The following ZNF43 variants were observed in gnomAD, a reference collection of about 807,000 sequenced individuals.
The protein encoded by ZNF43 is zinc finger protein 39-like 1 (KOX 27).
Under a neutral mutation model 68.4 loss-of-function variants are expected in ZNF43, and 44 were observed. The ratio of observed to expected loss-of-function variants is 0.64; its 90% confidence interval spans 0.51 to 0.83. The LOEUF is 0.83. ZNF43 is among the 40% of genes least tolerant of loss of function. The probability of loss-of-function intolerance (pLI) is 0.00; values close to 1 mark genes in which losing one functional copy is unlikely to be tolerated. For synonymous variants in ZNF43, 308 were observed against 307.8 expected (o/e 1.00, Z -0.01); for missense variants, 896 against 933.2 (o/e 0.96, Z 0.52).
chr19:21,817,765 G>C (rs946545010), intron 3 of ZNF43, 123 bp downstream of exon 3: 4 of 1,031,508 alleles, frequency 3.9e-6, no homozygotes, highest in African/African-American at 3.3e-5. Flanking sequence ...AAAAAACTCA[G>C]GCTTTCCAGA....
chr19:21,836,701 C>T (rs2038757457), upstream of ZNF43, among the ~76,000 whole-genome samples: 1 of 152,204 alleles, frequency 6.6e-6, no homozygotes, highest in Non-Finnish European at 1.5e-5. Flanking sequence ...TTACCTGTCT[C>T]AGCCTTCTGA....
At position 21,808,620 on chromosome 19, in the gene ZNF43, T is replaced by C. The variant is rs2037093804; in HGVS notation, c.1417A>G (p.Lys473Glu). Residue 473 changes from lysine to glutamate, a missense_variant, in exon 4 of 4, where the codon AAG (lysine) becomes GAG (glutamate). Transcript: ENST00000354959. Reference protein sequence around the residue: ...FNQFSNLTTHKRIHTAEKPYK... With the variant: ...FNQFSNLTTHERIHTAEKPYK... ...GGTTTTTCTGCAGTATGAATTCTCT[T>C]ATGTGTAGTAAGGTTTGAGAACTGG... 2.5e-6 allele frequency: 4 copies of C among 1,613,824 alleles called. No individual in the cohort carries two copies. The highest frequency in any genetic ancestry group is 2.5e-6 in the Non-Finnish European group (3 of 1,179,876).
chr19:21,837,028 G>C (rs1399131205), upstream of ZNF43, among the ~76,000 whole-genome samples: 2 of 152,120 alleles, frequency 1.3e-5, no homozygotes. Context: ...ACTAAATATA[G>C]GTAATGTTAC....
Position 21,807,788 on chromosome 19 carries a change from T to C in ZNF43, c.2249A>G (p.Asn750Ser). Reference sequence around the variant, plus strand: ...TTTAGTATGAATTCTCTTATGTGTATTAAGGTGTGAGGAATAGTTAAATGC... The same window carrying C: ...TTTAGTATGAATTCTCTTATGTGTACTAAGGTGTGAGGAATAGTTAAATGC... ...GKAFNYSSHL[N>S]THKRIHTKEQ... The change falls in exon 4 of 4, where the codon AAT (asparagine) becomes AGT (serine). Residue 750 changes from asparagine to serine, a missense_variant. Physicochemically the swap from Asn to Ser is conservative, Grantham distance 46. Transcript: ENST00000354959. 6.2e-7 allele frequency: 1 copy of C among 1,612,674 alleles called. No homozygotes were observed.
chr19:21,808,128 G>C lies in ZNF43; in HGVS notation c.1909C>G (p.Leu637Val). ...CGKAFNQFST[L>V]TKHKIIHTEE... is the part of the protein sequence containing the mutation. ...GTGTGAATTATCTTATGTTTAGTAA[G>C]AGTTGAGAACTGGTTAAAAGCTTTG... is the stretch of plus-strand genomic sequence containing the variant. The change falls in exon 4 of 4, where the codon CTT (leucine) becomes GTT (valine). Residue 637 changes from leucine to valine, a missense_variant. Physicochemically the swap from Leu to Val is conservative, Grantham distance 32. Transcript: ENST00000354959. The C allele has an allele frequency of 6.2e-7, 1 of 1,613,162 alleles. No individual in the cohort carries two copies. The highest frequency in any genetic ancestry group is 1.3e-5 in the African/African-American group (1 of 74,984).
At position 21,836,046 on chromosome 19, in the gene ZNF43, C is replaced by A. The variant is rs201675321; in HGVS notation, c.-8G>T. On this transcript the variant is annotated 5_prime_UTR_variant, in exon 1 of 4. Coordinates refer to ENST00000354959, the MANE Select transcript of ZNF43 (RefSeq NM_003423.4). Reference sequence around the variant, plus strand: ...GACCGGCACTCTCACCATTTCTAGGCTTCCGGGGGGTCCTGGCGTCTTAGC... The same window carrying A: ...GACCGGCACTCTCACCATTTCTAGGATTCCGGGGGGTCCTGGCGTCTTAGC... The A allele has an allele frequency of 6.3e-5, 102 of 1,613,888 alleles. No individual in the cohort carries two copies. In the Middle Eastern group the frequency reaches 6.6e-4, roughly 10 times the overall value.
Position 21,807,364 on chromosome 19 carries a change from A to G in ZNF43, c.*243T>C. On this transcript the variant is annotated 3_prime_UTR_variant, in exon 4 of 4. Transcript: ENST00000354959. ...GGTTTTATTAAGTACAGACTCTCTGATGTTGAGTAAGATATGAGCACATAT... is the reference window on the plus strand; with the variant it reads ...GGTTTTATTAAGTACAGACTCTCTGGTGTTGAGTAAGATATGAGCACATAT... The G allele has an allele frequency of 2.9e-6, 1 of 348,594 alleles. No homozygotes were observed. Among genetic ancestry groups the G allele is most frequent in the Non-Finnish European group, 5.2e-6 (1 of 194,066 alleles). 21.6% of individuals were successfully genotyped at this position (348,594 alleles called of 1,614,324 possible).
rs920656483 is a variant in ZNF43 at position 21,824,569 on chromosome 19, T to C, written c.4-5348A>G. On this transcript the variant is annotated intron_variant, in intron 1 of 3. Transcript: ENST00000354959. ...TTCTGTACATTCTCAATCCAAAACC[T>C]GGCCCTGTCTTGTGAATCCCAGGCA... 9.9e-5 allele frequency among the ~76,000 whole-genome samples: 15 copies of C among 152,224 alleles called. No individual in the cohort carries two copies. The East Asian group carries it at 2.3e-3, about 24-fold the overall frequency.
At chr19:21,835,091 C>CA (rs1057433671) in intron 1 of ZNF43, among the ~76,000 whole-genome samples, 33 of 147,898 alleles carry the variant, frequency 2.2e-4, no homozygotes, top group African/African-American at 5.9e-4. Context: ...ACTAAAAATA[C>CA]AAAAAAAATT....
intron 1 of ZNF43, among the ~76,000 whole-genome samples, chr19:21,849,520 T>C (rs574102606): frequency 3.9e-4 from 42 of 106,910 alleles, no homozygotes; most frequent in Non-Finnish European, 7.2e-4. Flanking sequence ...AAAAAAGTGG[T>C]AATTCTCAGT....
rs746057520 is a variant in ZNF43 at position 21,807,441 on chromosome 19, C to A, written c.*166G>T. On this transcript the variant is annotated 3_prime_UTR_variant, in exon 4 of 4. Transcript: ENST00000354959. ...ATATACCTTTTTCCAAGTAAAAATT[C>A]TTTCCTGTGCAATAAGGTACGAGCA... The A allele has an allele frequency of 2.7e-5, 17 of 631,538 alleles. No homozygotes were observed. The highest frequency in any genetic ancestry group is 3.7e-5 in the Non-Finnish European group (15 of 401,262). The allele number at this position is 631,538 out of a possible 1,614,324, so 39.1% of individuals were successfully genotyped here.
At position 21,819,084 on chromosome 19, in the gene ZNF43, G is replaced by A. The variant is rs2037669161; in HGVS notation, c.130+11C>T. The A allele has an allele frequency of 5.6e-6, 9 of 1,605,060 alleles. No individual in the cohort carries two copies. Among genetic ancestry groups the A allele is most frequent in the Non-Finnish European group, 6.8e-6 (8 of 1,176,856 alleles). On this transcript the variant is annotated intron_variant, in intron 2 of 3. Coordinates refer to ENST00000354959, the MANE Select transcript of ZNF43 (RefSeq NM_003423.4). ...GGTATATTAGGAATTGAGTATTGAA[G>A]TTATGCTCACCCAGGAAGACCAGGT...
intron 1 of ZNF43, among the ~76,000 whole-genome samples, chr19:21,831,209 C>T (rs138110399): frequency 5.9e-5 from 9 of 152,290 alleles, no homozygotes; most frequent in Middle Eastern, 3.4e-3. Context: ...GATGCCTTCT[C>T]TCATCACTCC....
chr19:21,817,181 C>A (rs2037569580), intron 3 of ZNF43, among the ~76,000 whole-genome samples: 2 of 151,602 alleles, frequency 1.3e-5, no homozygotes, highest in African/African-American at 4.9e-5. Flanking sequence ...CGAGATTGTG[C>A]CACTGTACTC....
chr19:21,820,264 T>TA (rs369462459), intron 1 of ZNF43, among the ~76,000 whole-genome samples: 1 of 147,158 alleles, frequency 6.8e-6, no homozygotes, highest in Non-Finnish European at 1.5e-5. Context: ...TTTATATATA[T>TA]ACACACACAT....
At chr19:21,836,866 A>G (rs550359719), upstream of ZNF43, among the ~76,000 whole-genome samples, 2 of 152,352 alleles carry the variant, frequency 1.3e-5, no homozygotes, top group South Asian at 4.1e-4. Context: ...TACTGGGATT[A>G]TAGGCATGAA....
chr19:21,835,839 G>A (rs1413113469), intron 1 of ZNF43, among the ~76,000 whole-genome samples, 197 bp downstream of exon 1: 3 of 152,200 alleles, frequency 2.0e-5, no homozygotes, highest in Non-Finnish European at 4.4e-5. Flanking sequence ...TGCAGGCCGG[G>A]ACACAGTCAC....
intron 1 of ZNF43, among the ~76,000 whole-genome samples, chr19:21,842,103 A>G (rs955762830): frequency 2.0e-5 from 3 of 152,160 alleles, no homozygotes; most frequent in Admixed American, 2.0e-4. Flanking sequence ...CCAAGGTGCT[A>G]GGCCCAGTGA....
Position 21,809,115 on chromosome 19 carries a change from G to A in ZNF43, c.922C>T (p.His308Tyr), listed in dbSNP as rs1355975743. 12 of 1,613,352 alleles carry A rather than the reference G, an allele frequency of 7.4e-6. No individual in the cohort carries two copies. The highest frequency in any genetic ancestry group is 1.0e-5 in the Non-Finnish European group (12 of 1,179,822). Reference sequence around the variant, plus strand: ...CATTTGTAAGGTTTCTCTCCAGGATGAATTTTCTTATGTTCAGTAAGGTTT... The same window carrying A: ...CATTTGTAAGGTTTCTCTCCAGGATAAATTTTCTTATGTTCAGTAAGGTTT... ...SSNLTEHKKI[H>Y]PGEKPYKCEE... Residue 308 changes from histidine (H) to tyrosine (Y), a missense_variant, in exon 4 of 4, where the codon CAT becomes TAT. Coordinates refer to ENST00000354959, the MANE Select transcript of ZNF43 (RefSeq NM_003423.4).
Sources: gnomAD v4.1 joint callset for allele counts (sites outside exome capture counted in the v4.1 genomes callset) on GRCh38, gnomAD v4.1.1 for gene constraint, MANE v1.5 for transcripts, NCBI Gene and HGNC (gene_info 2026-07-23, HGNC 2026-07-21) for gene names.